The following IGSF3 variants were observed in gnomAD, a reference collection of about 807,000 sequenced individuals.
The protein encoded by IGSF3 is immunoglobulin superfamily member 3.
In IGSF3, 23 loss-of-function variants were observed where a neutral mutation model predicts 114.4. The ratio of observed to expected loss-of-function variants is 0.20; its 90% confidence interval spans 0.14 to 0.28. The LOEUF (loss-of-function observed/expected upper bound fraction) is 0.28. Ranked by LOEUF, IGSF3 falls within the 10% of genes least tolerant of loss-of-function variation. The pLI is 1.00. For synonymous variants in IGSF3, 571 were observed against 645.2 expected, an observed-to-expected ratio of 0.88 and a Z score of 1.74; for missense variants, 1,172 against 1,591.5, an observed-to-expected ratio of 0.74 and a Z score of 4.48.
rs115235391 is a variant in IGSF3, at chr1:116,632,245, G to C, written c.44-15788C>G. 6.6e-6 allele frequency among the ~76,000 whole-genome samples: 1 copy of C among 152,116 alleles called. No homozygotes were observed. Among genetic ancestry groups the C allele is most frequent in the Admixed American group, 6.5e-5 (1 of 15,284 alleles). On this transcript the variant is annotated intron_variant, in intron 2 of 10. Transcript: ENST00000369486. This position sits in a 1 kb window ranked among gnomAD's most constrained non-coding sequence, Gnocchi z 5.1. ...GATTTAAAATACTTGCATGGTAATC[G>C]AAACCAGAAAATGCTGACCATCCCC...
chr1:116,600,104 A>C lies in IGSF3; in HGVS notation c.1866T>G (p.Ala622=). ...SFRTRTAIEK[A]ESSNNVRLSI... is the part of the protein sequence containing the mutation. ...TTAGGCGGACGTTGTTGCTGGACTCAGCCTTCTCGATGGCAGTTCGGGTTC... is the reference window on the plus strand; with the variant it reads ...TTAGGCGGACGTTGTTGCTGGACTCCGCCTTCTCGATGGCAGTTCGGGTTC... Residue 622 remains alanine (A), a synonymous_variant, in exon 7 of 11, where the codon GCT becomes GCG. Transcript: ENST00000369486. This position sits in a 1 kb window ranked among gnomAD's most constrained non-coding sequence, Gnocchi z 5.5. The C allele has an allele frequency of 6.2e-7, 1 of 1,613,966 alleles. No individual in the cohort carries two copies. Among genetic ancestry groups the C allele is most frequent in the Non-Finnish European group, 8.5e-7 (1 of 1,179,962 alleles).
rs1193144005 is a variant in IGSF3, at chr1:116,641,086, T to C, written c.44-24629A>G. On this transcript the variant is annotated intron_variant, in intron 2 of 10. Transcript: ENST00000369486. ...TTCTACAGGGAGGGTAGGGGAGTGA[T>C]GGTACAGATAAGATTGGACATGAGC... Among the ~76,000 whole-genome samples the C allele has an allele frequency of 7.9e-5, 12 of 152,354 alleles. No individual in the cohort carries two copies. The East Asian group carries it at 2.1e-3, about 27-fold the overall frequency.
chr1:116,592,295 A>G lies in IGSF3; in HGVS notation c.2030-3191T>C, dbSNP rs1660146875. Among the ~76,000 whole-genome samples the G allele has an allele frequency of 6.6e-6, 1 of 152,190 alleles. No individual in the cohort carries two copies. Among genetic ancestry groups the G allele is most frequent in the African/African-American group, 2.4e-5 (1 of 41,442 alleles). Reference sequence around the variant, plus strand: ...AATGCAGACGTGAAAGAAAAGAGTGAGGCTTGGTTAACCCCCAACAGTGAA... The same window carrying G: ...AATGCAGACGTGAAAGAAAAGAGTGGGGCTTGGTTAACCCCCAACAGTGAA... On this transcript the variant is annotated intron_variant, in intron 7 of 10. Coordinates refer to ENST00000369486, the MANE Select transcript of IGSF3 (RefSeq NM_001007237.3). The surrounding 1 kb of genome is among the most constrained non-coding windows in gnomAD (Gnocchi z 4.5).
At chr1:116,608,397 A>G (rs1246718737) in intron 4 of IGSF3, 66 bp from the exon 5 acceptor site, 20 of 1,099,532 alleles carry the variant, frequency 1.8e-5, no homozygotes, top group Non-Finnish European at 2.4e-5. Context: ...ACTAAACCAC[A>G]TTAGCACATT....
rs1392091002 is a variant in IGSF3, at chr1:116,633,019, G to GA, written c.44-16563dup. Among the ~76,000 whole-genome samples the GA allele has an allele frequency of 3.9e-5, 6 of 152,312 alleles. No individual in the cohort carries two copies. The highest frequency in any genetic ancestry group is 1.4e-4 in the African/African-American group (6 of 41,570). On this transcript the variant is annotated intron_variant, in intron 2 of 10. Coordinates refer to ENST00000369486, the MANE Select transcript of IGSF3 (RefSeq NM_001007237.3). The surrounding 1 kb of genome is among the most constrained non-coding windows in gnomAD (Gnocchi z 4.3). ...GACGAATTTTGTGGACACTTACAGAGAAAAAAATAGCTTCAAATGCTATAT... is the reference window on the plus strand; with the variant it reads ...GACGAATTTTGTGGACACTTACAGAGAAAAAAAATAGCTTCAAATGCTATAT...
Position 116,665,355 on chromosome 1 carries a change from G to C in IGSF3, c.43+929C>G, listed in dbSNP as rs1038559702. Reference sequence around the variant, plus strand: ...TAATCCCTTCTGAATGCAGAGGACCGAGCCTTACAGAGAGGGCAGGGGGTG... The same window carrying C: ...TAATCCCTTCTGAATGCAGAGGACCCAGCCTTACAGAGAGGGCAGGGGGTG... On this transcript the variant is annotated intron_variant, in intron 2 of 10. Coordinates refer to ENST00000369486, the MANE Select transcript of IGSF3 (RefSeq NM_001007237.3). This position sits in a 1 kb window ranked among gnomAD's most constrained non-coding sequence, Gnocchi z 4.0. Among the ~76,000 whole-genome samples the C allele has an allele frequency of 6.6e-6, 1 of 152,158 alleles. No individual in the cohort carries two copies. Among genetic ancestry groups the C allele is most frequent in the Admixed American group, 6.5e-5 (1 of 15,284 alleles).
chr1:116,595,719 T>C lies in IGSF3; in HGVS notation c.2029+4222A>G, dbSNP rs1660315166. On this transcript the variant is annotated intron_variant, in intron 7 of 10. Coordinates refer to ENST00000369486, the MANE Select transcript of IGSF3 (RefSeq NM_001007237.3). This position sits in a 1 kb window ranked among gnomAD's most constrained non-coding sequence, Gnocchi z 4.2. ...ATATTTAATAGCCAAACCAAGATATTGTCATAAACATTTGGAAAATGAGTG... is the reference window on the plus strand; with the variant it reads ...ATATTTAATAGCCAAACCAAGATATCGTCATAAACATTTGGAAAATGAGTG... Among the ~76,000 whole-genome samples the C allele has an allele frequency of 6.6e-6, 1 of 152,254 alleles. No individual in the cohort carries two copies. The highest frequency in any genetic ancestry group is 1.5e-5 in the Non-Finnish European group (1 of 68,048).
rs1166426382 is a variant in IGSF3 at position 116,629,039 on chromosome 1, G to A, written c.44-12582C>T. 6.6e-6 allele frequency among the ~76,000 whole-genome samples: 1 copy of A among 152,152 alleles called. No homozygotes were observed. Among genetic ancestry groups the A allele is most frequent in the Non-Finnish European group, 1.5e-5 (1 of 68,038 alleles). ...ACAAGACCAAGCTGGAGAGTTCAGG[G>A]ACTTCCAAAAGAAGGTACAAGAATG... On this transcript the variant is annotated intron_variant, in intron 2 of 10. Coordinates refer to ENST00000369486, the MANE Select transcript of IGSF3 (RefSeq NM_001007237.3). The surrounding 1 kb of genome is among the most constrained non-coding windows in gnomAD (Gnocchi z 4.3).
rs770496774 is a variant in IGSF3 at position 116,577,432 on chromosome 1, G to A, written c.3465C>T (p.Ser1155=). 2 of 1,614,210 alleles carry A rather than the reference G, an allele frequency of 1.2e-6. No individual in the cohort carries two copies. Among genetic ancestry groups the A allele is most frequent in the Non-Finnish European group, 1.7e-6 (2 of 1,180,036 alleles). Residue 1155 remains serine (S), a synonymous_variant, in exon 11 of 11, where the codon AGC becomes AGT. Transcript: ENST00000369486. The surrounding 1 kb of genome is among the most constrained non-coding windows in gnomAD (Gnocchi z 5.7). ...LLVRFKSRNS[S]KNSDGKNGVP... Reference sequence around the variant, plus strand: ...CCCCATTCTTCCCATCAGAGTTCTTGCTGGAGTTCCGGCTCTTGAAACGCA... The same window carrying A: ...CCCCATTCTTCCCATCAGAGTTCTTACTGGAGTTCCGGCTCTTGAAACGCA...
In IGSF3 at chr1:116,638,890, T is replaced by A. The variant is rs10923127; in HGVS notation, c.44-22433A>T. Among the ~76,000 whole-genome samples the A allele has an allele frequency of 0.06, 9,083 of 152,150 alleles. 876 individuals carry two copies. The highest frequency in any genetic ancestry group is 0.21 in the African/African-American group (8,499 of 41,444). On this transcript the variant is annotated intron_variant, in intron 2 of 10. Coordinates refer to ENST00000369486, the MANE Select transcript of IGSF3 (RefSeq NM_001007237.3). This position sits in a 1 kb window ranked among gnomAD's most constrained non-coding sequence, Gnocchi z 4.1. Reference sequence around the variant, plus strand: ...GAGTATGGCACCCCAAGGTTAAGTATCTGCCCAGGGTCACGTGCAAAGTCT... The same window carrying A: ...GAGTATGGCACCCCAAGGTTAAGTAACTGCCCAGGGTCACGTGCAAAGTCT...
At chr1:116,591,195 C>T (rs762709965) in intron 7 of IGSF3, among the ~76,000 whole-genome samples, 2 of 152,224 alleles carry the variant, frequency 1.3e-5, no homozygotes, top group South Asian at 2.1e-4. Flanking sequence ...GATTTGCATT[C>T]GCTTGCCAGT....
Position 116,632,008 on chromosome 1 carries a change from G to A in IGSF3, c.44-15551C>T, listed in dbSNP as rs916514064. Among the ~76,000 whole-genome samples the A allele has an allele frequency of 6.6e-6, 1 of 152,192 alleles. No homozygotes were observed. The highest frequency in any genetic ancestry group is 6.5e-5 in the Admixed American group (1 of 15,272). On this transcript the variant is annotated intron_variant, in intron 2 of 10. Coordinates refer to ENST00000369486, the MANE Select transcript of IGSF3 (RefSeq NM_001007237.3). This position sits in a 1 kb window ranked among gnomAD's most constrained non-coding sequence, Gnocchi z 5.1. ...AAGCTCCACTCGCCACAAAGTTCAAGACACAGAAACGGTCACTGAGAGCAG... is the reference window on the plus strand; with the variant it reads ...AAGCTCCACTCGCCACAAAGTTCAAAACACAGAAACGGTCACTGAGAGCAG...
Position 116,616,569 on chromosome 1 carries a change from A to C in IGSF3, c.44-112T>G. On this transcript the variant is annotated intron_variant, in intron 2 of 10. Transcript: ENST00000369486. This position sits in a 1 kb window ranked among gnomAD's most constrained non-coding sequence, Gnocchi z 6.6. ...ATTTGTGTGACATGATAATAATATA[A>C]ACAGCTTACTGGCCCTTTCAAAGGC... is the stretch of plus-strand genomic sequence containing the variant. The C allele has an allele frequency of 1.1e-6, 1 of 881,076 alleles. No homozygotes were observed. Among genetic ancestry groups the C allele is most frequent in the Non-Finnish European group, 1.7e-6 (1 of 577,680 alleles). 54.6% of individuals were successfully genotyped at this position (881,076 alleles called of 1,614,324 possible).
chr1:116,583,413 T>G lies in IGSF3; in HGVS notation c.2848+1232A>C, dbSNP rs1659678460. 6.6e-6 allele frequency among the ~76,000 whole-genome samples: 1 copy of G among 152,226 alleles called. No homozygotes were observed. The highest frequency in any genetic ancestry group is 1.5e-5 in the Non-Finnish European group (1 of 68,042). On this transcript the variant is annotated intron_variant, in intron 9 of 10. Transcript: ENST00000369486. The surrounding 1 kb of genome is among the most constrained non-coding windows in gnomAD (Gnocchi z 4.5). Reference sequence around the variant, plus strand: ...AACTCAAAGTGGAGGCAATGTTCCCTGCAGTTTAGGCAAGACACAGGCGAG... The same window carrying G: ...AACTCAAAGTGGAGGCAATGTTCCCGGCAGTTTAGGCAAGACACAGGCGAG...
In IGSF3 at chr1:116,642,684, C is replaced by T. The variant is rs1648163605; in HGVS notation, c.43+23600G>A. Among the ~76,000 whole-genome samples, 1 of 152,248 alleles carries T rather than the reference C, an allele frequency of 6.6e-6. No homozygotes were observed. The highest frequency in any genetic ancestry group is 1.5e-5 in the Non-Finnish European group (1 of 68,048). On this transcript the variant is annotated intron_variant, in intron 2 of 10. Coordinates refer to ENST00000369486, the MANE Select transcript of IGSF3 (RefSeq NM_001007237.3). The surrounding 1 kb of genome is among the most constrained non-coding windows in gnomAD (Gnocchi z 5.4). Reference sequence around the variant, plus strand: ...CGCTCCGAGGCTGTGGGCCGGTGTCCTGCCCTGAAGAGCTTGGCTGCCAGC... The same window carrying T: ...CGCTCCGAGGCTGTGGGCCGGTGTCTTGCCCTGAAGAGCTTGGCTGCCAGC...
intron 2 of IGSF3, among the ~76,000 whole-genome samples, chr1:116,621,353 G>A (rs981397402): frequency 5.9e-5 from 9 of 151,932 alleles, no homozygotes; most frequent in African/African-American, 2.2e-4. Flanking sequence ...TAATACATAG[G>A]GTCTCACTGT....
In IGSF3 at chr1:116,579,680, C is replaced by T. The variant is rs768863416; in HGVS notation, c.3046G>A (p.Glu1016Lys). 1 of 1,613,548 alleles carries T rather than the reference C, an allele frequency of 6.2e-7. No homozygotes were observed. The highest frequency in any genetic ancestry group is 1.7e-5 in the Admixed American group (1 of 59,954). Residue 1016 changes from glutamate (E) to lysine (K), a missense_variant, in exon 10 of 11, where the codon GAG (glutamate) becomes AAG (lysine). Physicochemically the swap from Glu to Lys is moderately conservative, Grantham distance 56 (BLOSUM62 1). Coordinates refer to ENST00000369486, the MANE Select transcript of IGSF3 (RefSeq NM_001007237.3). The surrounding 1 kb of genome is among the most constrained non-coding windows in gnomAD (Gnocchi z 6.4). Reference sequence around the variant, plus strand: ...TCGTCGTCGTCGTCCTCCTCCTCCTCCTCCTCCCTTTCCTCTTCCTGTTCT... The same window carrying T: ...TCGTCGTCGTCGTCCTCCTCCTCCTTCTCCTCCCTTTCCTCTTCCTGTTCT... ...LEEQEEEREE[E>K]EEEDDDDDDD... is the part of the protein sequence containing the mutation.
chr1:116,667,703 C>T lies in IGSF3; in HGVS notation c.-716G>A, dbSNP rs1348855870. 1 of 151,636 alleles carries T rather than the reference C, an allele frequency of 6.6e-6. No homozygotes were observed. The highest frequency in any genetic ancestry group is 1.5e-5 in the Non-Finnish European group (1 of 67,902). 9.4% of individuals were successfully genotyped at this position (151,636 alleles called of 1,614,324 possible). ...CGCCTCAGGGGACGCGCCGCTTCCT[C>T]TTCTCCCGCAACGGCACCAGCAGCC... On this transcript the variant is annotated 5_prime_UTR_variant, in exon 1 of 11. Coordinates refer to ENST00000369486, the MANE Select transcript of IGSF3 (RefSeq NM_001007237.3).
Position 116,588,106 on chromosome 1 carries a change from G to A in IGSF3, c.2440+588C>T, listed in dbSNP as rs995134425. 6.6e-6 allele frequency among the ~76,000 whole-genome samples: 1 copy of A among 152,200 alleles called. No individual in the cohort carries two copies. The highest frequency in any genetic ancestry group is 2.4e-5 in the African/African-American group (1 of 41,448). ...CCCAAAAATGGAACTGAGGCTTGCG[G>A]ACTGAATAGCTCTCCCTCCCTGGAA... is the stretch of plus-strand genomic sequence containing the variant. On this transcript the variant is annotated intron_variant, in intron 8 of 10. Transcript: ENST00000369486. The surrounding 1 kb of genome is among the most constrained non-coding windows in gnomAD (Gnocchi z 4.9).
Sources: gnomAD v4.1 joint callset for allele counts (sites outside exome capture counted in the v4.1 genomes callset) on GRCh38, gnomAD v4.1.1 for gene constraint, Gnocchi (gnomAD v3.1) non-coding constraint, MANE v1.5 for transcripts, NCBI Gene and HGNC (gene_info 2026-07-23, HGNC 2026-07-21) for gene names.